The following CCDC7 variants were observed in gnomAD, a reference collection of about 807,000 sequenced individuals.
The protein encoded by CCDC7 is coiled-coil domain-containing protein 7.
CCDC7 carries 183 observed loss-of-function variants against 196.9 expected under a neutral mutation model. That is an observed-to-expected ratio of 0.93 (90% CI 0.82 to 1.05). The LOEUF (loss-of-function observed/expected upper bound fraction) is 1.05. Among genes scored for constraint, CCDC7 ranks in the 50% least tolerant of loss-of-function variants. CCDC7 has a pLI of 0.00. For missense variants in CCDC7, 1,540 were observed against 1,482.2 expected, an observed-to-expected ratio of 1.04 and a Z score of -0.64; for synonymous variants, 525 against 484.6, an observed-to-expected ratio of 1.08 and a Z score of -1.10.
At chr10:32,509,955 C>T (rs930373125) in intron 9 of CCDC7, among the ~76,000 whole-genome samples, 3 of 152,000 alleles carry the variant, frequency 2.0e-5, no homozygotes, top group Non-Finnish European at 2.9e-5. Context: ...ATTGGTAGAG[C>T]CATTATGGAA....
At chr10:32,547,109 C>G (rs1014850328) in intron 13 of CCDC7, among the ~76,000 whole-genome samples, 3 of 152,102 alleles carry the variant, frequency 2.0e-5, no homozygotes, top group African/African-American at 7.2e-5. Flanking sequence ...GCCTGAACTC[C>G]TGGGCTCAAG....
intron 28 of CCDC7, among the ~76,000 whole-genome samples, chr10:32,774,249 A>T (rs2079603519): frequency 6.6e-6 from 1 of 151,484 alleles, no homozygotes; most frequent in South Asian, 2.1e-4. Context: ...CAGAACACCT[A>T]CAAAAATTCA....
At chr10:32,488,696 T>G (rs926818916) in intron 8 of CCDC7, among the ~76,000 whole-genome samples, 12 of 152,208 alleles carry the variant, frequency 7.9e-5, no homozygotes, top group African/African-American at 2.9e-4. Flanking sequence ...AAACTTCTCA[T>G]TTTGTTCGTG....
upstream of CCDC7, among the ~76,000 whole-genome samples, chr10:32,445,984 C>T (rs993317709): frequency 6.6e-6 from 1 of 152,180 alleles, no homozygotes; most frequent in Non-Finnish European, 1.5e-5. Flanking sequence ...AGGAGGAGGC[C>T]GATGTGCCCA....
intron 18 of CCDC7, among the ~76,000 whole-genome samples, chr10:32,595,053 G>T (rs2060179654): frequency 6.6e-6 from 1 of 152,184 alleles, no homozygotes; most frequent in Non-Finnish European, 1.5e-5. Flanking sequence ...TCAGGATGAT[G>T]TTGGCCTCAT....
At chr10:32,686,429 T>C (rs1179007487) in intron 22 of CCDC7, among the ~76,000 whole-genome samples, 1 of 152,222 alleles carries the variant, frequency 6.6e-6, no homozygotes, top group Non-Finnish European at 1.5e-5. Flanking sequence ...CTGTTTCCAT[T>C]TGGCATCAAT....
At chr10:32,610,628 T>G (rs1368440911) in intron 18 of CCDC7, among the ~76,000 whole-genome samples, 1 of 152,174 alleles carries the variant, frequency 6.6e-6, no homozygotes, top group Admixed American at 6.5e-5. Flanking sequence ...GGAGCCCATA[T>G]GTTCTCATTG....
intron 37 of CCDC7, 143 bp from the exon 39 acceptor site, chr10:32,847,690 G>C (rs1340091051): frequency 1.8e-6 from 1 of 564,044 alleles, no homozygotes; most frequent in Non-Finnish European, 3.0e-6. Context: ...ACTCCAGCCT[G>C]AGTGACAGAA....
chr10:32,836,977 G>A (rs2136010905), intron 33 of CCDC7, among the ~76,000 whole-genome samples: 1 of 152,218 alleles, frequency 6.6e-6, no homozygotes, highest in Admixed American at 6.6e-5. Context: ...AACCCTAGAA[G>A]AAAACCTAGG....
At chr10:32,657,663 G>A (rs2070267012) in intron 20 of CCDC7, among the ~76,000 whole-genome samples, 1 of 152,200 alleles carries the variant, frequency 6.6e-6, no homozygotes, top group African/African-American at 2.4e-5. Flanking sequence ...GATGGGAGGG[G>A]CTGCTGTGAA....
chr10:32,824,562 A>C, exon 32 of CCDC7: 5 of 1,612,390 alleles, frequency 3.1e-6, no homozygotes, highest in Non-Finnish European at 4.2e-6. Context: ...AGGTACAATA[A>C]ATGATGCAAT....
rs1224620682 is a variant in CCDC7, at chr10:32,818,696, A to G, written c.3181+4243A>G. Among the ~76,000 whole-genome samples, 3 of 151,708 alleles carry G rather than the reference A, an allele frequency of 2.0e-5. No homozygotes were observed. The East Asian group carries it at 5.8e-4, about 29-fold the overall frequency. On this transcript the variant is annotated intron_variant, in intron 31 of 41. Coordinates refer to ENST00000639629, the Ensembl canonical transcript of CCDC7. ...AGGATTAAGTAACTCAGGATTAACA[A>G]CCTGCTCCTGAATGACTACTGGGTA...
intron 13 of CCDC7, among the ~76,000 whole-genome samples, chr10:32,559,918 C>G (rs2136586627): frequency 6.6e-6 from 1 of 152,172 alleles, no homozygotes; most frequent in East Asian, 1.9e-4. Flanking sequence ...AAGTTGAAAA[C>G]TTTGAAAAAA....
intron 13 of CCDC7, among the ~76,000 whole-genome samples, chr10:32,560,600 C>G (rs371149293): frequency 7.6e-6 from 1 of 131,504 alleles, no homozygotes; most frequent in South Asian, 2.4e-4. Flanking sequence ...GAAATAAAAT[C>G]CTTTACAGAC....
intron 33 of CCDC7, among the ~76,000 whole-genome samples, chr10:32,841,571 T>C (rs1158645126): frequency 1.3e-5 from 2 of 151,848 alleles, no homozygotes; most frequent in African/African-American, 4.8e-5. Context: ...GCAATTCCCA[T>C]CAAAATACCA....
intron 29 of CCDC7, among the ~76,000 whole-genome samples, chr10:32,790,444 T>C (rs1015345283): frequency 2.6e-5 from 4 of 152,330 alleles, no homozygotes; most frequent in East Asian, 1.9e-4. Context: ...CCTGGGGCCA[T>C]TGGCACCACA....
intron 18 of CCDC7, among the ~76,000 whole-genome samples, chr10:32,631,239 A>G (rs1357266841): frequency 6.6e-6 from 1 of 152,224 alleles, no homozygotes; most frequent in Non-Finnish European, 1.5e-5. Context: ...CTAAAGCAAA[A>G]TCACAAAAAT....
intron 1 of CCDC7, among the ~76,000 whole-genome samples, chr10:32,452,412 A>G (rs1190197027): frequency 6.6e-6 from 1 of 152,222 alleles, no homozygotes; most frequent in Non-Finnish European, 1.5e-5. Context: ...GGCCTTCCTA[A>G]GTCCTGCATT....
At chr10:32,799,422 C>A (rs2134965973) in intron 29 of CCDC7, among the ~76,000 whole-genome samples, 1 of 152,292 alleles carries the variant, frequency 6.6e-6, no homozygotes, top group Non-Finnish European at 1.5e-5. Context: ...GGACTTATTG[C>A]AGAGCCTTCT....
Sources: gnomAD v4.1 joint callset for allele counts (sites outside exome capture counted in the v4.1 genomes callset) on GRCh38, gnomAD v4.1.1 for gene constraint, MANE v1.5 for transcripts, NCBI Gene and HGNC (gene_info 2026-07-23, HGNC 2026-07-21) for gene names.